The following CACNB2 variants were observed in gnomAD, a reference collection of about 807,000 sequenced individuals.
CACNB2 encodes calcium voltage-gated channel auxiliary subunit beta 2.
CACNB2 carries 42 observed loss-of-function variants against 73.3 expected under a neutral mutation model. The observed-to-expected ratio is 0.57, with a 90% CI of 0.45 to 0.74. CACNB2 has a LOEUF of 0.74. Among genes scored for constraint, CACNB2 ranks in the 30% least tolerant of loss-of-function variants. The pLI is 0.00. For synonymous variants in CACNB2, 348 were observed against 310.3 expected, an observed-to-expected ratio of 1.12 and a Z score of -1.28; for missense variants, 940 against 853.0, an observed-to-expected ratio of 1.10 and a Z score of -1.27.
chr10:18,171,624 C>T (rs2033253255), intron 2 of CACNB2, among the ~76,000 whole-genome samples: 1 of 144,092 alleles, frequency 6.9e-6, no homozygotes, highest in South Asian at 2.4e-4. Flanking sequence ...TTATTTGACT[C>T]ACTTAGTTTA....
At chr10:18,279,478 T>A (rs780656332) in intron 2 of CACNB2, among the ~76,000 whole-genome samples, 12 of 152,240 alleles carry the variant, frequency 7.9e-5, no homozygotes, top group Non-Finnish European at 1.6e-4. Flanking sequence ...TCTACTGGGA[T>A]GTGTCTTTGA....
intron 2 of CACNB2, among the ~76,000 whole-genome samples, chr10:18,242,427 G>T (rs185463318): frequency 6.6e-6 from 1 of 152,222 alleles, no homozygotes; most frequent in Admixed American, 6.5e-5. Context: ...CGATGAAAAG[G>T]TTGAAAGGTC....
chr10:18,454,394 A>C lies in CACNB2; in HGVS notation c.334-43961A>C, dbSNP rs143353761. ...GCCTTTTCTAGGCAGTTTTTTTCCTAATCACCATCCCTCCCTCCATAAAAT... is the reference window on the plus strand; with the variant it reads ...GCCTTTTCTAGGCAGTTTTTTTCCTCATCACCATCCCTCCCTCCATAAAAT... On this transcript the variant is annotated intron_variant, in intron 3 of 13. Transcript: ENST00000324631. Among the ~76,000 whole-genome samples, 1,166 of 152,278 alleles carry C rather than the reference A, an allele frequency of 7.7e-3. 19 individuals are homozygous for C. The highest frequency in any genetic ancestry group is 0.026 in the African/African-American group (1,072 of 41,552).
chr10:18,293,477 T>G (rs1260681428), intron 2 of CACNB2, among the ~76,000 whole-genome samples: 1 of 152,228 alleles, frequency 6.6e-6, no homozygotes, highest in African/African-American at 2.4e-5. Context: ...CCTAAAAGAT[T>G]AATTCTGTCA....
chr10:18,268,668 C>T (rs1023604519), intron 2 of CACNB2, among the ~76,000 whole-genome samples: 1 of 152,102 alleles, frequency 6.6e-6, no homozygotes, highest in Non-Finnish European at 1.5e-5. Flanking sequence ...AGGATTTTAC[C>T]TTTTACATCA....
chr10:18,430,705 C>G (rs1283866292), intron 3 of CACNB2, among the ~76,000 whole-genome samples: 2 of 152,138 alleles, frequency 1.3e-5, no homozygotes, highest in Admixed American at 6.5e-5. Flanking sequence ...TAGAAGGAAG[C>G]CTTCTGTCCT....
chr10:18,266,213 G>A (rs1051949416), intron 2 of CACNB2, among the ~76,000 whole-genome samples: 1 of 152,134 alleles, frequency 6.6e-6, no homozygotes, highest in African/African-American at 2.4e-5. Flanking sequence ...AAGTGATGAT[G>A]TCTTCATTTT....
In CACNB2 at chr10:18,407,292, T is replaced by C. The variant is rs540265538; in HGVS notation, c.333+5249T>C. On this transcript the variant is annotated intron_variant, in intron 3 of 13. Coordinates refer to ENST00000324631, the MANE Select transcript of CACNB2 (RefSeq NM_201596.3). ...ACGCACCACCACACCCAGATAATTTTTGTATTTTTAGTAGAGACAGGGTTT... is the reference window on the plus strand; with the variant it reads ...ACGCACCACCACACCCAGATAATTTCTGTATTTTTAGTAGAGACAGGGTTT... Among the ~76,000 whole-genome samples the C allele has an allele frequency of 4.0e-5, 6 of 151,746 alleles. No homozygotes were observed. The South Asian group carries it at 1.0e-3, about 26-fold the overall frequency.
intron 2 of CACNB2, among the ~76,000 whole-genome samples, chr10:18,278,886 T>C (rs1020724932): frequency 1.3e-5 from 2 of 152,036 alleles, no homozygotes; most frequent in Non-Finnish European, 2.9e-5. Flanking sequence ...CCTGGTGGCA[T>C]GTGCCTATAG....
At chr10:18,153,878 G>A (rs530869476) in intron 2 of CACNB2, among the ~76,000 whole-genome samples, 14 of 144,772 alleles carry the variant, frequency 9.7e-5, no homozygotes, top group South Asian at 2.3e-4. Flanking sequence ...AACCATGCCC[G>A]GCAGCATACT....
At chr10:18,375,699 A>G in intron 2 of CACNB2, among the ~76,000 whole-genome samples, 1 of 152,326 alleles carries the variant, frequency 6.6e-6, no homozygotes, top group Middle Eastern at 3.4e-3. Flanking sequence ...ATGTTTATTC[A>G]TACATCTGAA....
chr10:18,462,565 T>C (rs1382560678), intron 3 of CACNB2, among the ~76,000 whole-genome samples: 2 of 152,098 alleles, frequency 1.3e-5, no homozygotes, highest in African/African-American at 4.8e-5. Flanking sequence ...TAGGAACTAT[T>C]TATTAAGCAA....
chr10:18,286,256 C>T (rs2038783496), intron 2 of CACNB2, among the ~76,000 whole-genome samples: 1 of 152,162 alleles, frequency 6.6e-6, no homozygotes, highest in Admixed American at 6.5e-5. Context: ...GTGGCTCACG[C>T]CTGTAATCCC....
chr10:18,222,714 A>T (rs71497239), intron 2 of CACNB2, among the ~76,000 whole-genome samples: 76,529 of 151,880 alleles, frequency 0.5, 21,741 homozygotes, highest in Middle Eastern at 0.65. Flanking sequence ...AGGTGAGTGG[A>T]TCGTCTGAGT....
intron 2 of CACNB2, among the ~76,000 whole-genome samples, chr10:18,373,488 C>T (rs1307969876): frequency 1.3e-5 from 2 of 152,188 alleles, no homozygotes; most frequent in East Asian, 3.9e-4. Context: ...TTTTTATATG[C>T]AAAATTTACA....
intron 3 of CACNB2, among the ~76,000 whole-genome samples, chr10:18,435,268 G>A (rs1325263387): frequency 6.6e-6 from 1 of 152,174 alleles, no homozygotes; most frequent in African/African-American, 2.4e-5. Flanking sequence ...TAAGGCAGGC[G>A]GAGGCATAGT....
chr10:18,376,937 A>C (rs937064039), intron 2 of CACNB2, among the ~76,000 whole-genome samples: 27 of 152,220 alleles, frequency 1.8e-4, no homozygotes, highest in African/African-American at 6.0e-4. Context: ...CGGCTTGTCC[A>C]AGATGGCGAT....
chr10:18,219,915 C>T (rs1479434724), intron 2 of CACNB2, among the ~76,000 whole-genome samples: 3 of 149,842 alleles, frequency 2.0e-5, no homozygotes, highest in African/African-American at 4.9e-5. Context: ...GACAGATGCC[C>T]GCCACCATGC....
At chr10:18,161,546 C>G (rs2032458285) in intron 2 of CACNB2, among the ~76,000 whole-genome samples, 1 of 151,684 alleles carries the variant, frequency 6.6e-6, no homozygotes, top group Admixed American at 6.6e-5. Context: ...TATTCATGAC[C>G]CCCATTCTCA....
Sources: gnomAD v4.1 joint callset for allele counts (sites outside exome capture counted in the v4.1 genomes callset) on GRCh38, gnomAD v4.1.1 for gene constraint, MANE v1.5 for transcripts, NCBI Gene and HGNC (gene_info 2026-07-23, HGNC 2026-07-21) for gene names.